Variants in ODR4 observed in about 807,000 individuals in gnomAD.
The protein encoded by ODR4 is odr-4 GPCR localization factor homolog.
Under a neutral mutation model 60.2 loss-of-function variants are expected in ODR4, and 47 were observed. The observed-to-expected ratio is 0.78, with a 90% CI of 0.62 to 1.00. ODR4 has a LOEUF of 1.00. ODR4 is among the 50% of genes least tolerant of loss of function. ODR4 has a pLI of 0.00. For synonymous variants in ODR4, 178 were observed against 175.5 expected (o/e 1.01, Z -0.11); for missense variants, 488 against 530.8 (o/e 0.92, Z 0.79).
intron 1 of ODR4, among the ~76,000 whole-genome samples, chr1:186,379,487 GTTT>G (rs1659938815): frequency 1.3e-5 from 1 of 77,094 alleles, no homozygotes; most frequent in Admixed American, 1.7e-4. Flanking sequence ...TTGCTTACTA[GTTT>G]AGTATCCTCT....
intron 9 of ODR4, among the ~76,000 whole-genome samples, chr1:186,396,024 T>C (rs1660656893): frequency 6.6e-6 from 1 of 152,200 alleles, no homozygotes; most frequent in African/African-American, 2.4e-5. Flanking sequence ...TCCTGAACTA[T>C]GTATCATGTC....
chr1:186,422,840 AAATC>A (rs1310821784), downstream of ODR4, among the ~76,000 whole-genome samples: 1 of 152,218 alleles, frequency 6.6e-6, no homozygotes, highest in East Asian at 1.9e-4. Flanking sequence ...GAAAGGGAAT[AAATC>A]AATGAATTAG....
At chr1:186,382,249 TAA>T (rs1189752791) in intron 2 of ODR4, among the ~76,000 whole-genome samples, 32 of 79,874 alleles carry the variant, frequency 4.0e-4, no homozygotes, top group Middle Eastern at 8.8e-3. Context: ...TACAAAAAAG[TAA>T]AAAAAAAAAA....
the ODR4 span, among the ~76,000 whole-genome samples, chr1:186,428,428 G>C: frequency 2.4e-4 from 36 of 152,130 alleles, no homozygotes; most frequent in Admixed American, 2.3e-3. Flanking sequence ...AGAGAGTTAG[G>C]GCCTTGCTCT....
At chr1:186,428,655 T>C in the ODR4 span, among the ~76,000 whole-genome samples, 1 of 152,252 alleles carries the variant, frequency 6.6e-6, no homozygotes, top group Admixed American at 6.5e-5. Flanking sequence ...CGACATGCCT[T>C]CCTCATTTAG....
chr1:186,389,653 C>A, intron 6 of ODR4, 29 bp downstream of exon 6: 1 of 1,419,542 alleles, frequency 7.0e-7, no homozygotes, highest in African/African-American at 1.5e-5. Flanking sequence ...AAAGATTTTT[C>A]TGTGTCACAA....
intron 1 of ODR4, among the ~76,000 whole-genome samples, chr1:186,378,844 G>A (rs868654491): frequency 6.6e-5 from 10 of 152,154 alleles, no homozygotes; most frequent in Non-Finnish European, 8.8e-5. Flanking sequence ...ACAATAATGC[G>A]TTGTACAAAG....
At chr1:186,385,782 G>T (rs1265575694) in intron 3 of ODR4, among the ~76,000 whole-genome samples, 1 of 152,004 alleles carries the variant, frequency 6.6e-6, no homozygotes, top group Non-Finnish European at 1.5e-5. Flanking sequence ...ATGGTGGGAC[G>T]CCATTGAAAA....
At chr1:186,378,374 G>A (rs572124502) in intron 1 of ODR4, among the ~76,000 whole-genome samples, 1 of 152,230 alleles carries the variant, frequency 6.6e-6, no homozygotes, top group African/African-American at 2.4e-5. Flanking sequence ...TTGTTTTATA[G>A]CTCTTTTGGA....
chr1:186,386,667 CAA>C (rs1660264174), intron 4 of ODR4, among the ~76,000 whole-genome samples: 1 of 152,092 alleles, frequency 6.6e-6, no homozygotes, highest in Admixed American at 6.5e-5. Flanking sequence ...TATTAGGAAA[CAA>C]ATTATAATGC....
chr1:186,434,713 A>G, the ODR4 span, among the ~76,000 whole-genome samples: 1 of 152,188 alleles, frequency 6.6e-6, no homozygotes, highest in Non-Finnish European at 1.5e-5. Context: ...CCATGGCCTT[A>G]TTCTTCTAAA....
At position 186,419,840 on chromosome 1, in the gene ODR4, T is replaced by G. The variant is rs1228596181; in HGVS notation, c.*764T>G. 6.6e-6 allele frequency: 1 copy of G among 152,212 alleles called. No homozygotes were observed. Among genetic ancestry groups the G allele is most frequent in the Non-Finnish European group, 1.5e-5 (1 of 68,056 alleles). The allele number at this position is 152,212 out of a possible 1,614,324, so 9.4% of individuals were successfully genotyped here. A position where few individuals can be genotyped will look rare whatever the true frequency, so the allele number is the denominator to read the frequency against. On this transcript the variant is annotated 3_prime_UTR_variant, in exon 14 of 14. Transcript: ENST00000287859. The stretch of plus-strand genomic sequence containing the variant: ...AGACAACAACTTTAGGATAAGTTCA[T>G]CCTCTAGGAGCTTTCTAATGTGCAC...
intron 3 of ODR4, among the ~76,000 whole-genome samples, chr1:186,385,302 T>C (rs1660210738): frequency 6.7e-6 from 1 of 148,388 alleles, no homozygotes; most frequent in African/African-American, 2.5e-5. Flanking sequence ...AAATTCCAGA[T>C]CTAGTATGCT....
At position 186,401,039 on chromosome 1, in the gene ODR4, G is replaced by T. The variant is rs1224688409; in HGVS notation, c.1000+1995G>T. 3.1e-6 allele frequency: 5 copies of T among 1,589,226 alleles called. No homozygotes were observed. In the South Asian group the frequency reaches 5.5e-5, roughly 18 times the overall value. ...AGCTGCATTGCAGGTTTCAGGATTT[G>T]CAGGGTATGGGGATGTATCCACCAT... is the stretch of plus-strand genomic sequence containing the variant. On this transcript the variant is annotated intron_variant, in intron 11 of 13. Transcript: ENST00000287859.
At chr1:186,379,745 A>G (rs750364573) in intron 1 of ODR4, 22 bp from the exon 2 acceptor site, 28 of 1,272,942 alleles carry the variant, frequency 2.2e-5, no homozygotes, top group Admixed American at 6.6e-5. Flanking sequence ...TAAATGCTGT[A>G]TCTTTTCTTC....
intron 11 of ODR4, 138 bp from the exon 12 acceptor site, chr1:186,405,945 C>A: frequency 1.6e-6 from 1 of 607,244 alleles, no homozygotes; most frequent in Non-Finnish European, 2.5e-6. Flanking sequence ...AATTTTGTGC[C>A]AGATCAACCA....
downstream of ODR4, among the ~76,000 whole-genome samples, chr1:186,422,604 T>G (rs2102108230): frequency 6.6e-6 from 1 of 152,292 alleles, no homozygotes; most frequent in South Asian, 2.1e-4. Flanking sequence ...TAGAGGTCAG[T>G]AATAAAGGTT....
At chr1:186,413,676 A>T (rs1661451966) in intron 12 of ODR4, among the ~76,000 whole-genome samples, 1 of 152,224 alleles carries the variant, frequency 6.6e-6, no homozygotes. Flanking sequence ...ATTTGGTTAA[A>T]CATTGACAAT....
At chr1:186,411,445 TAA>T (rs1292594896) in intron 12 of ODR4, among the ~76,000 whole-genome samples, 1 of 152,126 alleles carries the variant, frequency 6.6e-6, no homozygotes, top group Non-Finnish European at 1.5e-5. Context: ...TGCAAATAAA[TAA>T]AAGTTTTAAT....
Sources: gnomAD v4.1 joint callset for allele counts (sites outside exome capture counted in the v4.1 genomes callset) on GRCh38, gnomAD v4.1.1 for gene constraint, MANE v1.5 for transcripts, NCBI Gene and HGNC (gene_info 2026-07-23, HGNC 2026-07-21) for gene names.